FAM184A: variants seen among roughly 807,000 people sequenced by gnomAD.
FAM184A encodes protein FAM184A.
Under a neutral mutation model 143.8 loss-of-function variants are expected in FAM184A, and 99 were observed. That is an observed-to-expected ratio of 0.69 (90% CI 0.58 to 0.81). The LOEUF is 0.81. Ranked by LOEUF, FAM184A falls within the 40% of genes least tolerant of loss-of-function variation. The pLI, the probability that FAM184A is intolerant of heterozygous loss-of-function variation, is 0.00. For synonymous variants in FAM184A, 427 were observed against 446.4 expected (o/e 0.96, Z 0.55); for missense variants, 1,217 against 1,310.5 (o/e 0.93, Z 1.10).
chr6:118,999,340 G>T (rs1784677713), intron 9 of FAM184A, among the ~76,000 whole-genome samples: 1 of 152,062 alleles, frequency 6.6e-6, no homozygotes, highest in Non-Finnish European at 1.5e-5. Flanking sequence ...TTTTCAACAT[G>T]TTATTCTCTT....
At chr6:119,125,427 T>A (rs1319943618) in intron 1 of FAM184A, among the ~76,000 whole-genome samples, 1 of 152,128 alleles carries the variant, frequency 6.6e-6, no homozygotes. Flanking sequence ...AGGTCGGGAC[T>A]ATGCCTGGCT....
intron 1 of FAM184A, among the ~76,000 whole-genome samples, chr6:119,099,096 G>T (rs914162361): frequency 8.5e-5 from 13 of 152,250 alleles, no homozygotes; most frequent in Middle Eastern, 3.4e-3. Context: ...GGCAACAAGA[G>T]CAAAACTCCG....
rs930480167 is a variant in FAM184A at position 119,019,870 on chromosome 6, A to C, written c.1332+108T>G. 4.9e-5 allele frequency: 48 copies of C among 979,114 alleles called. 1 individual carries two copies. The Admixed American group carries it at 1.3e-3, about 27-fold the overall frequency. 60.7% of individuals were successfully genotyped at this position (979,114 alleles called of 1,614,324 possible). On this transcript the variant is annotated intron_variant, in intron 4 of 17. Transcript: ENST00000338891. ...AACCAAAAATAACTACTAAAGTAGG[A>C]AATGTATTGTTACTGGGGAGTAGCA...
At chr6:119,144,389 T>C (rs1198370788) in intron 1 of FAM184A, among the ~76,000 whole-genome samples, 2 of 151,336 alleles carry the variant, frequency 1.3e-5, no homozygotes, top group Non-Finnish European at 2.9e-5. Context: ...ACTTGCGTCC[T>C]ATGGAAGCAT....
At chr6:119,023,822 TAAAAAAAAAA>T in intron 2 of FAM184A, 127 bp downstream of exon 2, 1 of 415,654 alleles carries the variant, frequency 2.4e-6, no homozygotes, top group Non-Finnish European at 3.9e-6. Flanking sequence ...CAGGAAAAGT[TAAAAAAAAAA>T]AAAAAAAAAA....
At chr6:118,997,506 A>G (rs1480087716) in intron 9 of FAM184A, among the ~76,000 whole-genome samples, 1 of 152,088 alleles carries the variant, frequency 6.6e-6, no homozygotes, top group Non-Finnish European at 1.5e-5. Flanking sequence ...CCTGGCCAAC[A>G]TGGTGAAACC....
rs1783950340 is a variant in FAM184A at position 118,979,380 on chromosome 6, C to T, written c.2440G>A (p.Gly814Arg). The T allele has an allele frequency of 1.2e-6, 2 of 1,610,152 alleles. No homozygotes were observed. The highest frequency in any genetic ancestry group is 1.7e-6 in the Non-Finnish European group (2 of 1,178,832). Residue 814 changes from glycine to arginine, a missense_variant, in exon 11 of 18, where the codon GGA (glycine) becomes AGA (arginine). Gly to Arg is a moderately radical substitution (Grantham distance 125, BLOSUM62 -2). Transcript: ENST00000338891. The stretch of plus-strand genomic sequence containing the variant: ...TTCAAAATACCAAGCATAGCCTTTC[C>T]TTCATCTTCTAATTCAAACCGAAGA... ...QTLRFELEDEGKAMLASLRSE... is the reference protein window; with the variant it reads ...QTLRFELEDERKAMLASLRSE...
At chr6:119,070,370 C>CCAAAATTAATTAAGCAAAAATTA (rs1331856187) in intron 1 of FAM184A, among the ~76,000 whole-genome samples, 6 of 152,072 alleles carry the variant, frequency 3.9e-5, no homozygotes, top group African/African-American at 1.4e-4. Flanking sequence ...AAAGGTTAAG[C>CCAAAATTAATTAAGCAAAAATTA]ATACCAAAAT....
chr6:119,063,326 AC>A lies in FAM184A; in HGVS notation c.159+14814del, dbSNP rs541618297. ...AGTTGCTGTTTAAAAAAACTTAAGC[AC>A]AATAAGACTTTACATTCTAAGACGA... On this transcript the variant is annotated intron_variant, in intron 1 of 17. Transcript: ENST00000338891. Among the ~76,000 whole-genome samples, 569 of 152,350 alleles carry A rather than the reference AC, an allele frequency of 3.7e-3. 24 individuals are homozygous for A. In the South Asian group the frequency reaches 0.099, roughly 27 times the overall value.
intron 1 of FAM184A, among the ~76,000 whole-genome samples, chr6:119,052,439 G>T (rs971115554): frequency 6.6e-6 from 1 of 152,144 alleles, no homozygotes; most frequent in Non-Finnish European, 1.5e-5. Context: ...ACCACCATCT[G>T]GCATTAGGCC....
chr6:118,974,463 C>A lies in FAM184A; in HGVS notation c.2880G>T (p.Glu960Asp). The part of the protein sequence containing the change: ...IMRADFNKTN[E>D]LLKEINAALQ... Reference sequence around the variant, plus strand: ...AAGCGGCATTTATTTCCTTGAGTAGCTCGTTAGTCTTATTAAAATCTGCCC... The same window carrying A: ...AAGCGGCATTTATTTCCTTGAGTAGATCGTTAGTCTTATTAAAATCTGCCC... The change falls in exon 14 of 18, where the codon GAG becomes GAT. Residue 960 changes from glutamate to aspartate, a missense_variant. Coordinates refer to ENST00000338891, the MANE Select transcript of FAM184A (RefSeq NM_024581.6). 6.2e-6 allele frequency: 10 copies of A among 1,611,712 alleles called. No homozygotes were observed. Among genetic ancestry groups the A allele is most frequent in the Non-Finnish European group, 8.5e-6 (10 of 1,178,754 alleles).
chr6:119,066,155 T>C (rs139397055), intron 1 of FAM184A, among the ~76,000 whole-genome samples: 2 of 152,264 alleles, frequency 1.3e-5, no homozygotes, highest in East Asian at 3.9e-4. Flanking sequence ...CTACATGACT[T>C]TGTAGAGAGC....
At chr6:118,987,065 T>G (rs575914009) in intron 9 of FAM184A, among the ~76,000 whole-genome samples, 157 of 152,352 alleles carry the variant, frequency 1.0e-3, no homozygotes, top group Non-Finnish European at 1.9e-3. Context: ...GAAAAACTTA[T>G]GGGGTATGAG....
At chr6:119,062,025 T>C (rs811584) in intron 1 of FAM184A, among the ~76,000 whole-genome samples, 6,450 of 152,132 alleles carry the variant, frequency 0.042, 242 homozygotes, top group East Asian at 0.2. Context: ...CAAGATGGAC[T>C]GAACTGCTTG....
chr6:119,091,798 C>T (rs1335891287), intron 1 of FAM184A, among the ~76,000 whole-genome samples: 2 of 152,170 alleles, frequency 1.3e-5, no homozygotes, highest in Non-Finnish European at 2.9e-5. Flanking sequence ...GGTTGGTACT[C>T]TGCTGAATGT....
chr6:119,102,365 G>A (rs1788659803), intron 1 of FAM184A, among the ~76,000 whole-genome samples: 1 of 152,148 alleles, frequency 6.6e-6, no homozygotes, highest in African/African-American at 2.4e-5. Flanking sequence ...GGCATGAGAA[G>A]GAGGCCTGTG....
chr6:118,986,417 A>G (rs1784198234), intron 9 of FAM184A, among the ~76,000 whole-genome samples: 1 of 152,232 alleles, frequency 6.6e-6, no homozygotes, highest in Non-Finnish European at 1.5e-5. Context: ...TGAATGTGCT[A>G]AGCACTGAAT....
intron 1 of FAM184A, chr6:119,058,073 A>G (rs1055938266): frequency 4.0e-5 from 6 of 150,562 alleles, no homozygotes; most frequent in African/African-American, 1.5e-4. Context: ...GTGGCAGACT[A>G]TATTTCCCAA....
chr6:119,034,757 C>A (rs1428082538), intron 1 of FAM184A, among the ~76,000 whole-genome samples: 2 of 152,092 alleles, frequency 1.3e-5, no homozygotes, highest in Non-Finnish European at 2.9e-5. Flanking sequence ...TCCTACCTAC[C>A]ACTGCTTACA....
Sources: allele counts gnomAD v4.1 joint callset (sites outside exome capture counted in the v4.1 genomes callset), GRCh38; gene constraint gnomAD v4.1.1; transcripts MANE v1.5; gene names NCBI Gene and HGNC (gene_info 2026-07-23, HGNC 2026-07-21).